The following FSTL4 variants were observed in gnomAD, a reference collection of about 807,000 sequenced individuals.
FSTL4 encodes the protein follistatin like 4, also known as follistatin-related protein 4.
In FSTL4, 28 loss-of-function variants were observed where a neutral mutation model predicts 78.2. The observed-to-expected ratio is 0.36, with a 90% CI of 0.27 to 0.49. The LOEUF is 0.49. Ranked by LOEUF, FSTL4 falls within the 20% of genes least tolerant of loss-of-function variation. The pLI is 0.98. For synonymous variants in FSTL4, 422 were observed against 440.5 expected, an observed-to-expected ratio of 0.96 and a Z score of 0.53; for missense variants, 922 against 1,084.9, an observed-to-expected ratio of 0.85 and a Z score of 2.11.
At position 133,293,936 on chromosome 5, in the gene FSTL4, T is replaced by C. The variant is rs113369899; in HGVS notation, c.727+18718A>G. 3.1e-3 allele frequency among the ~76,000 whole-genome samples: 467 copies of C among 152,342 alleles called. 2 individuals carry two copies. Among genetic ancestry groups the C allele is most frequent in the African/African-American group, 0.01 (424 of 41,582 alleles). On this transcript the variant is annotated intron_variant, in intron 6 of 15. Transcript: ENST00000265342. ...TCCCTCCCTCCTGCATCATTTCTTC[T>C]CTTTTATTTGTCCATGGCACGGGAC...
chr5:133,699,631 C>T, the FSTL4 span, among the ~76,000 whole-genome samples: 3 of 152,144 alleles, frequency 2.0e-5, no homozygotes, highest in African/African-American at 4.8e-5. Context: ...CCTGTAATCC[C>T]AGCACTTTGG....
intron 15 of FSTL4, among the ~76,000 whole-genome samples, chr5:133,201,042 G>A (rs1253362466): frequency 1.3e-5 from 2 of 152,074 alleles, no homozygotes; most frequent in Non-Finnish European, 2.9e-5. Flanking sequence ...GCAGTGGGAG[G>A]GTTCATAAAG....
At chr5:133,341,123 G>T (rs1368292116) in intron 4 of FSTL4, among the ~76,000 whole-genome samples, 1 of 152,078 alleles carries the variant, frequency 6.6e-6, no homozygotes, top group Non-Finnish European at 1.5e-5. Flanking sequence ...GTGTTCCTTA[G>T]ACGACTTGTG....
At chr5:133,629,747 A>G in the FSTL4 span, among the ~76,000 whole-genome samples, 1 of 152,212 alleles carries the variant, frequency 6.6e-6, no homozygotes. Flanking sequence ...AAAATCCTCA[A>G]TAAAATACTG....
chr5:133,235,430 C>T (rs1461481910), intron 7 of FSTL4, among the ~76,000 whole-genome samples: 1 of 141,850 alleles, frequency 7.0e-6, no homozygotes, highest in African/African-American at 2.6e-5. Context: ...ACCTGGGAGG[C>T]GGAGGTTGTA....
chr5:133,751,209 T>G, the FSTL4 span, among the ~76,000 whole-genome samples: 1 of 152,132 alleles, frequency 6.6e-6, no homozygotes, highest in Non-Finnish European at 1.5e-5. Context: ...ACTCCATGCT[T>G]CTTCGACTCC....
chr5:133,325,546 G>A (rs1308924880), intron 4 of FSTL4, among the ~76,000 whole-genome samples: 1 of 152,142 alleles, frequency 6.6e-6, no homozygotes, highest in Non-Finnish European at 1.5e-5. Context: ...CAATCCCTTT[G>A]GGGAAGGGGG....
chr5:133,239,019 G>C (rs971641906), intron 7 of FSTL4, among the ~76,000 whole-genome samples: 1 of 152,226 alleles, frequency 6.6e-6, no homozygotes, highest in Non-Finnish European at 1.5e-5. Flanking sequence ...GGGGCTGTGC[G>C]AGGGGCTTGT....
intron 4 of FSTL4, among the ~76,000 whole-genome samples, chr5:133,318,625 C>T (rs1314420790): frequency 5.9e-5 from 9 of 152,272 alleles, no homozygotes; most frequent in Admixed American, 5.9e-4. Flanking sequence ...CATTTATACC[C>T]AGATACTGAA....
At chr5:133,763,602 C>T in the FSTL4 span, among the ~76,000 whole-genome samples, 3 of 152,190 alleles carry the variant, frequency 2.0e-5, no homozygotes, top group Non-Finnish European at 2.9e-5. Flanking sequence ...CAGCAGGATC[C>T]CATCCAGCAC....
In FSTL4 at chr5:133,212,931, T is replaced by TA. The variant is rs538813116; in HGVS notation, c.1609-2634dup. On this transcript the variant is annotated intron_variant, in intron 13 of 15. Coordinates refer to ENST00000265342, the MANE Select transcript of FSTL4 (RefSeq NM_015082.2). ...GACTATCAGCAAAAATAACTGAAGA[T>TA]AATGAAATGATACCTTAAAATGCTG... Among the ~76,000 whole-genome samples, 8 of 151,538 alleles carry TA rather than the reference T, an allele frequency of 5.3e-5. No individual in the cohort carries two copies. The East Asian group carries it at 1.6e-3, about 29-fold the overall frequency.
the FSTL4 span, among the ~76,000 whole-genome samples, chr5:133,737,019 C>T: frequency 6.6e-6 from 1 of 152,058 alleles, no homozygotes; most frequent in Non-Finnish European, 1.5e-5. Flanking sequence ...TAAATACGCA[C>T]ATCATGGAGA....
the FSTL4 span, among the ~76,000 whole-genome samples, chr5:133,688,819 G>A: frequency 2.4e-4 from 37 of 152,294 alleles, no homozygotes; most frequent in Admixed American, 3.9e-4. Flanking sequence ...TGACTGTCCC[G>A]GACTTTCTGT....
intron 6 of FSTL4, among the ~76,000 whole-genome samples, chr5:133,294,193 C>T (rs1354460916): frequency 2.6e-5 from 4 of 152,156 alleles, no homozygotes; most frequent in Non-Finnish European, 5.9e-5. Flanking sequence ...TTTTTGCACA[C>T]GTCTTGTTTT....
intron 3 of FSTL4, among the ~76,000 whole-genome samples, chr5:133,500,310 C>G (rs58467176): frequency 0.021 from 3,189 of 152,266 alleles, 120 homozygotes; most frequent in African/African-American, 0.073. Context: ...ATGCCAACGA[C>G]CCTTAGCATT....
At chr5:133,565,144 A>G (rs1226845999) in intron 3 of FSTL4, among the ~76,000 whole-genome samples, 9 of 152,144 alleles carry the variant, frequency 5.9e-5, no homozygotes, top group Admixed American at 5.9e-4. Context: ...AAAATCAGCT[A>G]TTACTCATCT....
At chr5:133,468,568 G>A (rs912929426) in intron 3 of FSTL4, among the ~76,000 whole-genome samples, 4 of 152,162 alleles carry the variant, frequency 2.6e-5, no homozygotes, top group Non-Finnish European at 4.4e-5. Flanking sequence ...CCCAAGCCAC[G>A]GAGCCACTGC....
intron 3 of FSTL4, among the ~76,000 whole-genome samples, chr5:133,527,172 A>C (rs1183653712): frequency 6.6e-6 from 1 of 152,186 alleles, no homozygotes; most frequent in Non-Finnish European, 1.5e-5. Flanking sequence ...AGGTTTCAGC[A>C]GAAGATGGAA....
At chr5:133,318,317 C>T (rs989104317) in intron 4 of FSTL4, among the ~76,000 whole-genome samples, 2 of 152,122 alleles carry the variant, frequency 1.3e-5, no homozygotes, top group African/African-American at 2.4e-5. Context: ...TGTAGAGCTA[C>T]AGGGCATTGA....
Sources: allele counts gnomAD v4.1 joint callset (sites outside exome capture counted in the v4.1 genomes callset), GRCh38; gene constraint gnomAD v4.1.1; transcripts MANE v1.5; gene names NCBI Gene and HGNC (gene_info 2026-07-23, HGNC 2026-07-21).